The following TRIM24 variants were observed in gnomAD, a reference collection of about 807,000 sequenced individuals.
TRIM24 encodes the protein transcription intermediary factor 1-alpha.
A neutral mutation model predicts 123.9 loss-of-function variants in TRIM24; 29 were observed. The observed-to-expected ratio is 0.23, with a 90% CI of 0.17 to 0.32. TRIM24 has a LOEUF of 0.32. Among genes scored for constraint, TRIM24 ranks in the 10% least tolerant of loss-of-function variants. The probability of loss-of-function intolerance (pLI) is 1.00; values close to 1 mark genes in which losing one functional copy is unlikely to be tolerated. For missense variants in TRIM24, 932 were observed against 1,295.3 expected (o/e 0.72, Z 4.31); for synonymous variants, 456 against 461.1 (o/e 0.99, Z 0.14).
intron 6 of TRIM24, among the ~76,000 whole-genome samples, chr7:138,537,803 G>T (rs1351520690): frequency 1.3e-5 from 2 of 152,134 alleles, no homozygotes; most frequent in East Asian, 3.9e-4. Context: ...AACTGACTAG[G>T]GCTAGGATCT....
chr7:138,482,185 T>C (rs1320179293), intron 1 of TRIM24, among the ~76,000 whole-genome samples: 2 of 152,156 alleles, frequency 1.3e-5, no homozygotes, highest in Non-Finnish European at 2.9e-5. Context: ...TGACCTCAAA[T>C]TGTCCTCCTG....
chr7:138,481,866 T>C (rs1795533469), intron 1 of TRIM24, among the ~76,000 whole-genome samples: 1 of 152,154 alleles, frequency 6.6e-6, no homozygotes, highest in African/African-American at 2.4e-5. Flanking sequence ...TAATTTTTCC[T>C]TCACATTTGG....
chr7:138,581,207 A>G (rs1013286142), intron 16 of TRIM24, among the ~76,000 whole-genome samples: 1 of 152,234 alleles, frequency 6.6e-6, no homozygotes, highest in African/African-American at 2.4e-5. Context: ...AGTCAATATG[A>G]AAGTTGTCAT....
chr7:138,515,190 C>T (rs542483128), intron 2 of TRIM24, 22 bp from the exon 3 acceptor site: 77 of 1,590,288 alleles, frequency 4.8e-5, no homozygotes, highest in South Asian at 1.0e-4. Flanking sequence ...CAAAAATTTA[C>T]GTGCCATGGT....
At chr7:138,482,929 T>G (rs13223579) in intron 1 of TRIM24, among the ~76,000 whole-genome samples, 106 of 152,142 alleles carry the variant, frequency 7.0e-4, no homozygotes, top group African/African-American at 2.5e-3. Context: ...TTTGTTTTTG[T>G]TTTTTTGAGC....
intron 1 of TRIM24, among the ~76,000 whole-genome samples, chr7:138,473,869 T>G (rs186293538): frequency 2.0e-5 from 3 of 152,304 alleles, no homozygotes; most frequent in African/African-American, 7.2e-5. Context: ...CTTCCAGGCC[T>G]GAGCCATCCT....
chr7:138,543,108 A>T (rs551450243), intron 7 of TRIM24, among the ~76,000 whole-genome samples: 1 of 152,218 alleles, frequency 6.6e-6, no homozygotes, highest in Non-Finnish European at 1.5e-5. Flanking sequence ...TCTCCTTATC[A>T]ATTTAAAAAT....
intron 1 of TRIM24, among the ~76,000 whole-genome samples, chr7:138,496,501 C>A (rs1795908805): frequency 6.6e-6 from 1 of 152,156 alleles, no homozygotes; most frequent in African/African-American, 2.4e-5. Context: ...TTGCCTTCTT[C>A]CTGGTGACAG....
At chr7:138,561,999 G>A (rs1268625532) in intron 9 of TRIM24, among the ~76,000 whole-genome samples, 1 of 152,054 alleles carries the variant, frequency 6.6e-6, no homozygotes, top group Non-Finnish European at 1.5e-5. Flanking sequence ...GCCTTCTTTC[G>A]CTCACTGCCA....
At chr7:138,552,266 CATTT>C (rs1473528913) in intron 8 of TRIM24, among the ~76,000 whole-genome samples, 2 of 152,096 alleles carry the variant, frequency 1.3e-5, no homozygotes, top group African/African-American at 4.8e-5. Context: ...CTAAATGACA[CATTT>C]ATCAGAACAT....
chr7:138,583,789 ATATATT>A (rs1459449432), intron 17 of TRIM24, 55 bp from the exon 18 acceptor site: 4 of 1,180,460 alleles, frequency 3.4e-6, no homozygotes, highest in Non-Finnish European at 4.8e-6. Context: ...ATCTCATAGA[ATATATT>A]TAGGACAAGG....
At position 138,589,922 on chromosome 7, in the gene TRIM24, A is replaced by T. The variant is rs773644438; in HGVS notation, c.*4971A>T. The T allele has an allele frequency of 5.3e-5, 8 of 152,182 alleles. No homozygotes were observed. The highest frequency in any genetic ancestry group is 1.2e-4 in the Non-Finnish European group (8 of 68,020). The allele number at this position is 152,182 out of a possible 1,614,324, so 9.4% of individuals were successfully genotyped here. On this transcript the variant is annotated 3_prime_UTR_variant, in exon 19 of 19. Coordinates refer to ENST00000343526, the MANE Select transcript of TRIM24 (RefSeq NM_015905.3). The stretch of plus-strand genomic sequence containing the variant: ...TCCTTAATTTTCAAATTAAGTCCTA[A>T]TTTGAGTCCTAAAAAAATCTTTCCT...
intron 6 of TRIM24, among the ~76,000 whole-genome samples, chr7:138,532,715 T>A (rs930389321): frequency 6.6e-6 from 1 of 152,240 alleles, no homozygotes; most frequent in Non-Finnish European, 1.5e-5. Flanking sequence ...TGGTTCCATA[T>A]GAACTTGAAA....
Position 138,567,518 on chromosome 7 carries a change from G to C in TRIM24, c.1568G>C (p.Ser523Thr), listed in dbSNP as rs916706367. ...PPRLINFQNHSPKPNGPVLPP... is the reference protein window; with the variant it reads ...PPRLINFQNHTPKPNGPVLPP... The stretch of plus-strand genomic sequence containing the variant: ...CGTTTGATAAACTTTCAGAATCACA[G>C]CCCCAAACCCAATGGACCAGTTCTT... The change falls in exon 10 of 19, where the codon AGC (serine) becomes ACC (threonine). Residue 523 changes from serine to threonine, a missense_variant. By Grantham distance (58) the Ser-to-Thr change is moderately conservative. This residue lies in a region of TRIM24 where 527 missense variants were observed against 691.3 expected (regional missense o/e 0.76). Coordinates refer to ENST00000343526, the MANE Select transcript of TRIM24 (RefSeq NM_015905.3). 4 of 1,612,872 alleles carry C rather than the reference G, an allele frequency of 2.5e-6. No homozygotes were observed. Among genetic ancestry groups the C allele is most frequent in the Non-Finnish European group, 1.7e-6 (2 of 1,179,516 alleles).
chr7:138,579,276 G>C lies in TRIM24; in HGVS notation c.2329G>C (p.Val777Leu). The change falls in exon 15 of 19, where the codon GTG (valine) becomes CTG (leucine). Residue 777 changes from valine to leucine, a missense_variant. Val to Leu is a conservative substitution (Grantham distance 32, BLOSUM62 1). Around this residue, in one of 7 missense-constraint regions of TRIM24, gnomAD observed 527 missense variants for 691.3 expected, o/e 0.76. Transcript: ENST00000343526. Reference protein sequence around the residue: ...SSQSSTSEETVLRSDAPDSTG... With the variant: ...SSQSSTSEETLLRSDAPDSTG... ...TCAGAGCTCTACTTCTGAGGAGACT[G>C]TGCTAAGATCAGATGCCCCTGATAG... The C allele has an allele frequency of 2.5e-6, 4 of 1,614,132 alleles. No individual in the cohort carries two copies. The highest frequency in any genetic ancestry group is 3.4e-6 in the Non-Finnish European group (4 of 1,179,998).
At chr7:138,558,284 A>C (rs1217026239) in intron 9 of TRIM24, among the ~76,000 whole-genome samples, 2 of 152,162 alleles carry the variant, frequency 1.3e-5, no homozygotes, top group Non-Finnish European at 2.9e-5. Context: ...CTGTTGTTTC[A>C]TTGTAATATT....
chr7:138,554,702 T>G lies in TRIM24; in HGVS notation c.1266T>G (p.Ser422=). ...TAACCTTTTCTTTTTAATTAGGTTC[T>G]TTAGTAATCGAGGATAAAGAGAGCC... ...FWAQNIINLG[S]LVIEDKESQP... is the part of the protein sequence containing the mutation. Residue 422 remains serine (S), a synonymous_variant, in exon 9 of 19, where the codon TCT becomes TCG. Transcript: ENST00000343526. The surrounding 1 kb of genome is among the most constrained non-coding windows in gnomAD (Gnocchi z 4.5). 1 of 1,613,630 alleles carries G rather than the reference T, an allele frequency of 6.2e-7. No individual in the cohort carries two copies. The highest frequency in any genetic ancestry group is 1.7e-4 in the Middle Eastern group (1 of 6,056).
At chr7:138,535,693 C>G (rs969826635) in intron 6 of TRIM24, among the ~76,000 whole-genome samples, 7 of 152,116 alleles carry the variant, frequency 4.6e-5, no homozygotes, top group African/African-American at 9.7e-5. Flanking sequence ...AATTATGTGT[C>G]TTGGAGTTGC....
At chr7:138,520,322 CAACTAA>C (rs1167700497) in intron 4 of TRIM24, among the ~76,000 whole-genome samples, 1 of 152,192 alleles carries the variant, frequency 6.6e-6, no homozygotes, top group African/African-American at 2.4e-5. Context: ...TAAAGCTCAG[CAACTAA>C]AATTGGATTA....
Sources: gnomAD v4.1 joint callset for allele counts (sites outside exome capture counted in the v4.1 genomes callset) on GRCh38, gnomAD v4.1.1 for gene constraint, gnomAD v4.1.1 regional missense constraint, Gnocchi (gnomAD v3.1) non-coding constraint, MANE v1.5 for transcripts, NCBI Gene and HGNC (gene_info 2026-07-23, HGNC 2026-07-21) for gene names.